PARP14: variants seen among roughly 807,000 people sequenced by gnomAD.
PARP14 encodes the protein protein mono-ADP-ribosyltransferase PARP14.
Under a neutral mutation model 154.2 loss-of-function variants are expected in PARP14, and 59 were observed. The observed-to-expected ratio is 0.38, with a 90% CI of 0.31 to 0.48. PARP14 has a LOEUF of 0.48. Ranked by LOEUF, PARP14 falls within the 20% of genes least tolerant of loss-of-function variation. The pLI is 0.98. For synonymous variants in PARP14, 720 were observed against 780.5 expected (o/e 0.92, Z 1.29); for missense variants, 1,734 against 2,131.6 (o/e 0.81, Z 3.67).
Position 122,680,840 on chromosome 3 carries a change from G to A in PARP14, c.-44G>A, listed in dbSNP as rs1362809570. On this transcript the variant is annotated 5_prime_UTR_variant, in exon 1 of 17. Transcript: ENST00000474629. ...CGAAAGAGTCAAAGTTAGCGGCCCG[G>A]AGTTGGCGCGGCCCCTGCAGTCCGG... is the stretch of plus-strand genomic sequence containing the variant. 1 of 1,484,060 alleles carries A rather than the reference G, an allele frequency of 6.7e-7. No homozygotes were observed. Among genetic ancestry groups the A allele is most frequent in the East Asian group, 2.4e-5 (1 of 42,046 alleles). The allele number at this position is 1,484,060 out of a possible 1,614,324, so 91.9% of individuals were successfully genotyped here. A position where few individuals can be genotyped will look rare whatever the true frequency, so the allele number is the denominator to read the frequency against.
At chr3:122,692,276 A>G (rs1044697580) in intron 3 of PARP14, 25 bp from the exon 4 acceptor site, 1 of 1,597,322 alleles carries the variant, frequency 6.3e-7, no homozygotes, top group Non-Finnish European at 8.6e-7. Flanking sequence ...AACATCTTGT[A>G]CCTCTTTTGT....
chr3:122,713,731 A>G (rs1264649588), intron 10 of PARP14, 141 bp from the exon 11 acceptor site: 8 of 872,218 alleles, frequency 9.2e-6, no homozygotes, highest in Non-Finnish European at 1.3e-5. Context: ...TATTTTATGA[A>G]GTTTTCTTCT....
chr3:122,694,987 A>G (rs1938726286), intron 4 of PARP14, among the ~76,000 whole-genome samples: 1 of 152,236 alleles, frequency 6.6e-6, no homozygotes, highest in Non-Finnish European at 1.5e-5. Context: ...CAACACGGAC[A>G]ATAAAATGAA....
At chr3:122,698,276 C>G (rs183331606) in intron 5 of PARP14, among the ~76,000 whole-genome samples, 3 of 152,326 alleles carry the variant, frequency 2.0e-5, no homozygotes, top group Admixed American at 6.5e-5. Flanking sequence ...TAACATCTTT[C>G]CACAAAGGTT....
In PARP14 at chr3:122,680,873, C is replaced by T. The variant is rs747608332; in HGVS notation, c.-11C>T. 6.3e-7 allele frequency: 1 copy of T among 1,590,874 alleles called. No homozygotes were observed. Among genetic ancestry groups the T allele is most frequent in the East Asian group, 2.3e-5 (1 of 43,622 alleles). ...GCGGCCCCTGCAGTCCGGCGGAGAG[C>T]GGAGCTGAGGATGGCTGTGCCCGGC... On this transcript the variant is annotated 5_prime_UTR_variant, in exon 1 of 17. Transcript: ENST00000474629.
Position 122,700,133 on chromosome 3 carries a change from A to G in PARP14, c.1579A>G (p.Lys527Glu). ...VYKAKCEIQEKVYTMAQKNIQ... is the reference protein window; with the variant it reads ...VYKAKCEIQEEVYTMAQKNIQ... ...TAAAGCAAAGTGTGAAATCCAGGAA[A>G]AGGTGTACACCATGGCTCAGAAAAA... Residue 527 changes from lysine (K) to glutamate (E), a missense_variant, in exon 6 of 17, where the codon AAG becomes GAG. Lys to Glu is a moderately conservative substitution (Grantham distance 56). Transcript: ENST00000474629. 1 of 1,613,762 alleles carries G rather than the reference A, an allele frequency of 6.2e-7. No individual in the cohort carries two copies. The highest frequency in any genetic ancestry group is 8.5e-7 in the Non-Finnish European group (1 of 1,179,746).
Position 122,685,243 on chromosome 3 carries a change from A to G in PARP14, c.246A>G (p.Thr82=). The change falls in exon 2 of 17, where the codon ACA becomes ACG. Residue 82 remains threonine, a synonymous_variant. Transcript: ENST00000474629. ...NHELVWQGKG[T]FKLTVQLPAT... ...AGTTGGTATGGCAAGGAAAAGGAAC[A>G]TTCAAGTTAACTGTCCAGTTACCTG... is the stretch of plus-strand genomic sequence containing the variant. The G allele has an allele frequency of 6.2e-7, 1 of 1,613,912 alleles. No individual in the cohort carries two copies. Among genetic ancestry groups the G allele is most frequent in the Middle Eastern group, 1.6e-4 (1 of 6,062 alleles).
chr3:122,723,741 G>A (rs1007837885), intron 15 of PARP14, among the ~76,000 whole-genome samples: 31 of 152,208 alleles, frequency 2.0e-4, no homozygotes, highest in Non-Finnish European at 2.9e-5. Context: ...GGAATCAGTA[G>A]ATTATCTGTG....
chr3:122,724,877 A>G (rs1355268912), intron 15 of PARP14, among the ~76,000 whole-genome samples: 1 of 152,114 alleles, frequency 6.6e-6, no homozygotes. Flanking sequence ...GCCTTCAAGC[A>G]TCTGTTTAAC....
chr3:122,726,483 A>C (rs142816056), intron 15 of PARP14, among the ~76,000 whole-genome samples: 146 of 152,296 alleles, frequency 9.6e-4, no homozygotes, highest in African/African-American at 3.1e-3. Context: ...GATGTCTTCA[A>C]ATAGACTTTT....
chr3:122,700,529 A>G lies in PARP14; in HGVS notation c.1975A>G (p.Lys659Glu). 1 of 1,602,094 alleles carries G rather than the reference A, an allele frequency of 6.2e-7. No individual in the cohort carries two copies. The highest frequency in any genetic ancestry group is 8.5e-7 in the Non-Finnish European group (1 of 1,173,520). ...GCVKEVNETY[K>E]LLFNFVEQNM... is the part of the protein sequence containing the mutation. Reference sequence around the variant, plus strand: ...TGTAAAAGAAGTAAATGAAACCTATAAATTGCTTTTTAACTTCGTTGAACA... The same window carrying G: ...TGTAAAAGAAGTAAATGAAACCTATGAATTGCTTTTTAACTTCGTTGAACA... Residue 659 changes from lysine to glutamate, a missense_variant, in exon 6 of 17, where the codon AAA (lysine) becomes GAA (glutamate). Around this residue, in one of 2 missense-constraint regions of PARP14, gnomAD observed 1,646 missense variants for 1,976.0 expected, o/e 0.83. Transcript: ENST00000474629.
chr3:122,682,318 A>G (rs1443626642), intron 1 of PARP14, among the ~76,000 whole-genome samples: 1 of 152,024 alleles, frequency 6.6e-6, no homozygotes, highest in Non-Finnish European at 1.5e-5. Context: ...TCTCCTTTAG[A>G]TTCCATTATC....
chr3:122,681,597 C>T lies in PARP14; in HGVS notation c.187+527C>T, dbSNP rs1938212178. Among the ~76,000 whole-genome samples the T allele has an allele frequency of 6.6e-6, 1 of 152,132 alleles. No homozygotes were observed. Among genetic ancestry groups the T allele is most frequent in the African/African-American group, 2.4e-5 (1 of 41,408 alleles). On this transcript the variant is annotated intron_variant, in intron 1 of 16. Coordinates refer to ENST00000474629, the MANE Select transcript of PARP14 (RefSeq NM_017554.3). This position sits in a 1 kb window ranked among gnomAD's most constrained non-coding sequence, Gnocchi z 5.5. ...ACACTGCCTGAATGTCAACGTAGAGCCGTCACAGCGGCCACATTGGAGGGG... is the reference window on the plus strand; with the variant it reads ...ACACTGCCTGAATGTCAACGTAGAGTCGTCACAGCGGCCACATTGGAGGGG...
At chr3:122,720,693 C>A in intron 15 of PARP14, 1 of 447,324 alleles carries the variant, frequency 2.2e-6, no homozygotes, top group South Asian at 1.7e-5. Context: ...TGATAGCTAG[C>A]AAATTCCACA....
At chr3:122,691,756 C>T (rs1938547010) in intron 3 of PARP14, among the ~76,000 whole-genome samples, 1 of 152,036 alleles carries the variant, frequency 6.6e-6, no homozygotes, top group South Asian at 2.1e-4. Flanking sequence ...TGGTGCTGTG[C>T]TAGAAATAGA....
At chr3:122,689,246 A>G (rs1294368007) in intron 3 of PARP14, among the ~76,000 whole-genome samples, 1 of 152,128 alleles carries the variant, frequency 6.6e-6, no homozygotes, top group East Asian at 1.9e-4. Context: ...GAAGTACACA[A>G]TCAGTCTGCT....
chr3:122,690,468 A>G (rs907800152), intron 3 of PARP14, among the ~76,000 whole-genome samples: 1 of 152,166 alleles, frequency 6.6e-6, no homozygotes, highest in Non-Finnish European at 1.5e-5. Context: ...TAACTGTTGT[A>G]ACAAACAACC....
intron 1 of PARP14, among the ~76,000 whole-genome samples, chr3:122,683,864 G>A (rs1285001408): frequency 6.6e-6 from 1 of 152,182 alleles, no homozygotes; most frequent in Non-Finnish European, 1.5e-5. Flanking sequence ...GTAACACAGA[G>A]GTCCATGACT....
chr3:122,710,421 T>C (rs1363876627), intron 9 of PARP14, among the ~76,000 whole-genome samples: 1 of 152,242 alleles, frequency 6.6e-6, no homozygotes, highest in Admixed American at 6.5e-5. Context: ...TCTATGTGCC[T>C]ATTTTTATAC....
Sources: allele counts gnomAD v4.1 joint callset (sites outside exome capture counted in the v4.1 genomes callset), GRCh38; gene constraint gnomAD v4.1.1; regional missense constraint gnomAD v4.1.1; non-coding constraint Gnocchi (gnomAD v3.1); transcripts MANE v1.5; gene names NCBI Gene and HGNC (gene_info 2026-07-23, HGNC 2026-07-21).